The following LSAMP variants were observed in gnomAD, a reference collection of about 807,000 sequenced individuals.
LSAMP encodes limbic system associated membrane protein, also known as limbic system-associated membrane protein.
A neutral mutation model predicts 38.6 loss-of-function variants in LSAMP; 7 were observed. The ratio of observed to expected loss-of-function variants is 0.18; its 90% CI spans 0.10 to 0.34. LSAMP has a LOEUF of 0.34. Among genes scored for constraint, LSAMP ranks in the 10% least tolerant of loss-of-function variants. The probability of loss-of-function intolerance (pLI) is 1.00; values close to 1 mark genes in which losing one functional copy is unlikely to be tolerated. For synonymous variants in LSAMP, 154 were observed against 166.8 expected (o/e 0.92, Z 0.59); for missense variants, 313 against 420.0 (o/e 0.75, Z 2.23).
intron 1 of LSAMP, among the ~76,000 whole-genome samples, chr3:116,247,182 G>T (rs10934325): frequency 1.3e-5 from 2 of 152,182 alleles, no homozygotes; most frequent in African/African-American, 2.4e-5. Flanking sequence ...TGGGAGAATT[G>T]TAAGTCTGGG....
At chr3:115,987,298 G>C (rs1939536173) in intron 3 of LSAMP, among the ~76,000 whole-genome samples, 1 of 152,124 alleles carries the variant, frequency 6.6e-6, no homozygotes, top group South Asian at 2.1e-4. Context: ...TTCTGGTTGA[G>C]GAAGTTATGA....
chr3:115,942,990 G>C (rs927052002), intron 3 of LSAMP, among the ~76,000 whole-genome samples: 7 of 152,132 alleles, frequency 4.6e-5, no homozygotes, highest in African/African-American at 1.7e-4. Flanking sequence ...GCAATAAAAA[G>C]GTATTAGTGA....
intron 3 of LSAMP, among the ~76,000 whole-genome samples, chr3:115,947,752 A>T (rs1025039125): frequency 5.3e-5 from 8 of 152,326 alleles, no homozygotes; most frequent in African/African-American, 1.7e-4. Flanking sequence ...ATTAAATGTG[A>T]TACTAGTTTG....
intron 3 of LSAMP, among the ~76,000 whole-genome samples, chr3:115,930,002 G>GGTTTTTT (rs1937554601): frequency 1.2e-5 from 1 of 80,292 alleles, no homozygotes; most frequent in African/African-American, 4.8e-5. Flanking sequence ...TTTAGCAGAA[G>GGTTTTTT]TTTTTTTTTT....
intron 1 of LSAMP, among the ~76,000 whole-genome samples, chr3:116,355,081 G>T (rs1324162053): frequency 6.6e-6 from 1 of 151,940 alleles, no homozygotes; most frequent in Admixed American, 6.6e-5. Context: ...AAATAAAATC[G>T]ATGACATAAC....
intron 3 of LSAMP, among the ~76,000 whole-genome samples, chr3:115,922,166 GC>G (rs142658524): frequency 0.023 from 3,562 of 152,110 alleles, 161 homozygotes; most frequent in African/African-American, 0.079. Flanking sequence ...CTTTTAACAA[GC>G]TTTTTGCTTC....
chr3:116,354,720 T>C (rs1480883519), intron 1 of LSAMP, among the ~76,000 whole-genome samples: 2 of 152,156 alleles, frequency 1.3e-5, no homozygotes, highest in Non-Finnish European at 2.9e-5. Context: ...AAGGAAGTAA[T>C]AGGACCAGGA....
intron 1 of LSAMP, among the ~76,000 whole-genome samples, chr3:116,343,532 C>T (rs985348661): frequency 6.6e-6 from 1 of 152,080 alleles, no homozygotes; most frequent in Non-Finnish European, 1.5e-5. Context: ...CCTGAGGCAG[C>T]CAGTTTAGCC....
chr3:116,357,417 C>T (rs2048240517), intron 1 of LSAMP, among the ~76,000 whole-genome samples: 1 of 152,102 alleles, frequency 6.6e-6, no homozygotes, highest in Admixed American at 6.5e-5. Context: ...CCAAAGTCTC[C>T]TCAAGTTTAA....
At chr3:116,137,471 T>C (rs1444550825) in intron 1 of LSAMP, among the ~76,000 whole-genome samples, 5 of 152,172 alleles carry the variant, frequency 3.3e-5, no homozygotes, top group African/African-American at 7.2e-5. Context: ...AAAGTATCAA[T>C]TTTGGATCAT....
intron 1 of LSAMP, among the ~76,000 whole-genome samples, chr3:116,336,689 G>A (rs1465161841): frequency 6.6e-6 from 1 of 151,956 alleles, no homozygotes; most frequent in African/African-American, 2.4e-5. Flanking sequence ...GGTACTGTTG[G>A]TGAGAATGCA....
At chr3:115,991,687 G>A (rs1380677452) in intron 3 of LSAMP, among the ~76,000 whole-genome samples, 1 of 152,060 alleles carries the variant, frequency 6.6e-6, no homozygotes, top group Non-Finnish European at 1.5e-5. Context: ...AATGCGGCTT[G>A]TAGCCACTCT....
chr3:116,319,757 A>T (rs1265614372), intron 1 of LSAMP, among the ~76,000 whole-genome samples: 1 of 151,882 alleles, frequency 6.6e-6, no homozygotes, highest in African/African-American at 2.4e-5. Context: ...ATTAAAAATC[A>T]AAAGCACAGG....
At chr3:116,047,300 T>A (rs1941308873) in intron 2 of LSAMP, among the ~76,000 whole-genome samples, 1 of 150,946 alleles carries the variant, frequency 6.6e-6, no homozygotes, top group African/African-American at 2.4e-5. Context: ...TAGAGGCAAA[T>A]ATTTCAAAGA....
Position 116,207,524 on chromosome 3 carries a change from A to G in LSAMP, c.156-120968T>C, listed in dbSNP as rs542312944. Among the ~76,000 whole-genome samples, 57 of 150,792 alleles carry G rather than the reference A, an allele frequency of 3.8e-4. 1 individual carries two copies. The East Asian group carries it at 0.011, about 29-fold the overall frequency. On this transcript the variant is annotated intron_variant, in intron 1 of 6. Coordinates refer to ENST00000490035, the MANE Select transcript of LSAMP (RefSeq NM_002338.5). ...TCGATGGTCTTTACATTTTGGCATG[A>G]TTTTGCAGCGGCTGGTCCCGGTTGT...
chr3:115,945,105 TTCTTA>T (rs796129014), intron 3 of LSAMP, among the ~76,000 whole-genome samples: 10 of 152,174 alleles, frequency 6.6e-5, no homozygotes, highest in African/African-American at 2.2e-4. Flanking sequence ...ACTCATAGGG[TTCTTA>T]TCTTATTTGC....
At chr3:116,429,299 A>C (rs2049246626) in intron 1 of LSAMP, among the ~76,000 whole-genome samples, 1 of 152,270 alleles carries the variant, frequency 6.6e-6, no homozygotes, top group Admixed American at 6.5e-5. Context: ...TGAACCATGC[A>C]TACAAATAGT....
chr3:116,181,684 T>C (rs1173484225), intron 1 of LSAMP, among the ~76,000 whole-genome samples: 2 of 151,978 alleles, frequency 1.3e-5, no homozygotes, highest in Non-Finnish European at 2.9e-5. Flanking sequence ...TTCAGACAAA[T>C]TATTGTTATT....
rs993007177 is a variant in LSAMP, at chr3:116,054,813, C to T, written c.388+31511G>A. Among the ~76,000 whole-genome samples, 14 of 152,164 alleles carry T rather than the reference C, an allele frequency of 9.2e-5. 1 individual carries two copies. The highest frequency in any genetic ancestry group is 7.2e-4 in the Admixed American group (11 of 15,266). ...ACATTTACAGTCACATTTATCACCA[C>T]GTGGTTATGTTCTGCTGCAAGATTG... On this transcript the variant is annotated intron_variant, in intron 2 of 6. Coordinates refer to ENST00000490035, the MANE Select transcript of LSAMP (RefSeq NM_002338.5).
Sources: gnomAD v4.1 joint callset for allele counts (sites outside exome capture counted in the v4.1 genomes callset) on GRCh38, gnomAD v4.1.1 for gene constraint, MANE v1.5 for transcripts, NCBI Gene and HGNC (gene_info 2026-07-23, HGNC 2026-07-21) for gene names.